Variants in PEX1 observed in about 807,000 individuals in gnomAD.
PEX1 encodes peroxisomal biogenesis factor 1.
PEX1 carries 97 observed loss-of-function variants against 152.5 expected under a neutral mutation model. That is an observed-to-expected ratio of 0.64 (90% confidence interval 0.54 to 0.75). The LOEUF (loss-of-function observed/expected upper bound fraction) is 0.75, where lower values mean the gene tolerates loss of function less well. Ranked by LOEUF, PEX1 falls within the 30% of genes least tolerant of loss-of-function variation. PEX1 has a pLI of 0.00. For missense variants in PEX1, 1,357 were observed against 1,516.3 expected, an observed-to-expected ratio of 0.89 and a Z score of 1.74; for synonymous variants, 485 against 531.6, an observed-to-expected ratio of 0.91 and a Z score of 1.21.
chr7:92,488,858 C>A (rs1306692676), intron 23 of PEX1, among the ~76,000 whole-genome samples: 1 of 152,014 alleles, frequency 6.6e-6, no homozygotes, highest in African/African-American at 2.4e-5. Context: ...CTCAGCCTCC[C>A]AAGTAGCTGG....
At chr7:92,503,307 T>G in intron 12 of PEX1, 112 bp from the exon 13 acceptor site, 1 of 874,682 alleles carries the variant, frequency 1.1e-6, no homozygotes, top group Non-Finnish European at 1.8e-6. Context: ...AGGTGCAGTA[T>G]GTATGGTATC....
intron 19 of PEX1, 99 bp downstream of exon 19, chr7:92,494,194 G>T: frequency 1.2e-6 from 1 of 866,252 alleles, no homozygotes; most frequent in Non-Finnish European, 1.9e-6. Context: ...AAGAAAGCTG[G>T]TCTTCTAAGG....
intron 6 of PEX1, among the ~76,000 whole-genome samples, chr7:92,513,260 T>A (rs935549303): frequency 5.3e-5 from 8 of 152,158 alleles, no homozygotes; most frequent in Non-Finnish European, 1.2e-4. Flanking sequence ...TACACCAATG[T>A]TCACTGTAGC....
intron 10 of PEX1, 44 bp from the exon 11 acceptor site, chr7:92,506,388 A>G (rs1278657399): frequency 2.5e-6 from 3 of 1,192,714 alleles, no homozygotes; most frequent in South Asian, 1.2e-5. Flanking sequence ...ATATTCAGTC[A>G]CAGAAATAGT....
In PEX1 at chr7:92,494,756, A is replaced by T. The variant is rs557443939; in HGVS notation, c.2784-127T>A. 1.6e-5 allele frequency: 8 copies of T among 505,344 alleles called. No individual in the cohort carries two copies. In the South Asian group the frequency reaches 3.4e-4, roughly 21 times the overall value. The allele number at this position is 505,344 out of a possible 1,614,324, so 31.3% of individuals were successfully genotyped here. On this transcript the variant is annotated intron_variant, in intron 17 of 23. Coordinates refer to ENST00000248633, the MANE Select transcript of PEX1 (RefSeq NM_000466.3). ...TATTTATATACTTCTTTTAATTTTT[A>T]CAACAAACCCTTAAAGAAGGCAAGT...
At chr7:92,516,697 G>C (rs1792802506) in intron 5 of PEX1, among the ~76,000 whole-genome samples, 1 of 152,176 alleles carries the variant, frequency 6.6e-6, no homozygotes, top group South Asian at 2.1e-4. Flanking sequence ...TTGTGGCCAG[G>C]ATGAGGGGCT....
intron 20 of PEX1, 130 bp downstream of exon 20, chr7:92,492,823 G>A (rs1442156560): frequency 1.3e-6 from 1 of 759,260 alleles, no homozygotes; most frequent in African/African-American, 1.7e-5. Flanking sequence ...TTCAACTAAA[G>A]GTAAATTTAT....
At chr7:92,504,934 A>G in intron 11 of PEX1, 32 bp from the exon 12 acceptor site, 1 of 1,527,308 alleles carries the variant, frequency 6.5e-7, no homozygotes, top group Non-Finnish European at 9.1e-7. Context: ...TGGTTTCAGT[A>G]TCATTTCAGT....
Position 92,518,006 on chromosome 7 carries a change from T to A in PEX1, c.509A>T (p.Glu170Val), listed in dbSNP as rs765240855. 5 of 1,614,012 alleles carry A rather than the reference T, an allele frequency of 3.1e-6. No homozygotes were observed. Among genetic ancestry groups the A allele is most frequent in the Non-Finnish European group, 4.2e-6 (5 of 1,180,022 alleles). Residue 170 changes from glutamate to valine, a missense_variant, in exon 5 of 24, where the codon GAA becomes GTA. Glu to Val is a moderately radical substitution (Grantham distance 121, BLOSUM62 -2). Coordinates refer to ENST00000248633, the MANE Select transcript of PEX1 (RefSeq NM_000466.3). The stretch of plus-strand genomic sequence containing the variant: ...CTGAATAAGGAGTTTGGTGTCAGTT[T>A]CCAGCCTTCCATAAGAGGCAGCTGG... ...LIPAASYGRL[E>V]TDTKLLIQPK...
At position 92,520,185 on chromosome 7, in the gene PEX1, AG is replaced by A. The variant is rs1419305192; in HGVS notation, c.274-1108del. Among the ~76,000 whole-genome samples, 6 of 152,348 alleles carry A rather than the reference AG, an allele frequency of 3.9e-5. No homozygotes were observed. The East Asian group carries it at 1.2e-3, about 29-fold the overall frequency. On this transcript the variant is annotated intron_variant, in intron 2 of 23. Transcript: ENST00000248633. Reference sequence around the variant, plus strand: ...GAGTACTAATTAAGACTTGAAAATCAGGAAGTTGATGTTGCCCACAGGGAAG... The same window carrying A: ...GAGTACTAATTAAGACTTGAAAATCAGAAGTTGATGTTGCCCACAGGGAAG...
intron 12 of PEX1, among the ~76,000 whole-genome samples, chr7:92,504,075 C>T (rs1792062482): frequency 6.6e-6 from 1 of 151,984 alleles, no homozygotes; most frequent in African/African-American, 2.4e-5. Flanking sequence ...TTCTACTCTT[C>T]CATCAAAACT....
chr7:92,516,048 G>A (rs143088826), intron 5 of PEX1, among the ~76,000 whole-genome samples: 2,403 of 90,412 alleles, frequency 0.027, 51 homozygotes, highest in East Asian at 0.12. Context: ...GAAGAGAAGA[G>A]AAGAGAAAAA....
chr7:92,511,139 GA>G, intron 7 of PEX1, 92 bp from the exon 8 acceptor site: 1 of 745,588 alleles, frequency 1.3e-6, no homozygotes, highest in Non-Finnish European at 2.3e-6. Flanking sequence ...TTAAGTTAAA[GA>G]CTTTTTTTTT....
rs1167491787 is a variant in PEX1, at chr7:92,507,083, G to C, written c.1714C>G (p.His572Asp). Reference sequence around the variant, plus strand: ...GACAAAGGGCGTCCCAGGAGGCTGTGAGTGATGTGCTCCAAGGAGGATACG... The same window carrying C: ...GACAAAGGGCGTCCCAGGAGGCTGTCAGTGATGTGCTCCAAGGAGGATACG... ...LGVSSLEHIT[H>D]SLLGRPLSRQ... The change falls in exon 10 of 24, where the codon CAC (histidine) becomes GAC (aspartate). Residue 572 changes from histidine (H) to aspartate (D), a missense_variant. His to Asp is a moderately conservative substitution (Grantham distance 81, BLOSUM62 -1). Coordinates refer to ENST00000248633, the MANE Select transcript of PEX1 (RefSeq NM_000466.3). The C allele has an allele frequency of 6.2e-7, 1 of 1,613,656 alleles. No homozygotes were observed. The highest frequency in any genetic ancestry group is 1.7e-5 in the Admixed American group (1 of 59,990).
chr7:92,499,780 C>A lies in PEX1; in HGVS notation c.2642G>T (p.Gly881Val), dbSNP rs1169087748. The A allele has an allele frequency of 6.2e-7, 1 of 1,612,072 alleles. No homozygotes were observed. The highest frequency in any genetic ancestry group is 8.5e-7 in the Non-Finnish European group (1 of 1,178,314). Residue 881 changes from glycine (G) to valine (V), a missense_variant, in exon 16 of 24, where the codon GGT becomes GTT. Physicochemically the swap from Gly to Val is moderately radical, Grantham distance 109. Transcript: ENST00000248633. ...TAAGGTTTTTCCTGTTCCAGGCGGA[C>A]CATACAACAGTATTCCTGTTCTTTG... is the stretch of plus-strand genomic sequence containing the variant. ...IRQRTGILLY[G>V]PPGTGKTLLA...
In PEX1 at chr7:92,518,250, C is replaced by T. The variant is rs200866361; in HGVS notation, c.363G>A (p.Leu121=). 14 of 1,590,248 alleles carry T rather than the reference C, an allele frequency of 8.8e-6. No individual in the cohort carries two copies. The Admixed American group carries it at 2.2e-4, about 25-fold the overall frequency. The change falls in exon 4 of 24, where the codon CTG becomes CTA. Residue 121 remains leucine (L), a synonymous_variant. Coordinates refer to ENST00000248633, the MANE Select transcript of PEX1 (RefSeq NM_000466.3). The part of the protein sequence containing the change: ...LSADDWEILE[L]HAVSLEQHLL... ...GATGTTGTTCAAGGGAAACAGCATG[C>T]AGCTCCTAGAACCAACAGACGAAAA...
intron 15 of PEX1, 141 bp from the exon 16 acceptor site, chr7:92,499,979 G>T: frequency 1.5e-6 from 1 of 672,500 alleles, no homozygotes; most frequent in Non-Finnish European, 2.5e-6. Context: ...AAGTACAACA[G>T]TAGAAAATAC....
At position 92,518,233 on chromosome 7, in the gene PEX1, TC is replaced by T; in HGVS notation, c.379del (p.Glu127AsnfsTer5). On this transcript the variant is annotated frameshift_variant, in exon 4 of 24. Coordinates refer to ENST00000248633, the MANE Select transcript of PEX1 (RefSeq NM_000466.3). LOFTEE classifies it high-confidence loss of function. ...TCGAATTTGATCTAGAAGATGTTGT[TC>T]AAGGGAAACAGCATGCAGCTCCTAG... is the stretch of plus-strand genomic sequence containing the variant. ...EILELHAVSL[E>X]QHLLDQIRIV... The T allele has an allele frequency of 3.7e-6, 6 of 1,612,220 alleles. No individual in the cohort carries two copies. The highest frequency in any genetic ancestry group is 5.1e-6 in the Non-Finnish European group (6 of 1,178,292).
In PEX1 at chr7:92,508,313, G is replaced by A. The variant is rs540552995; in HGVS notation, c.1670+1016C>T. Among the ~76,000 whole-genome samples the A allele has an allele frequency of 2.6e-5, 4 of 152,234 alleles. No homozygotes were observed. The East Asian group carries it at 7.7e-4, about 29-fold the overall frequency. On this transcript the variant is annotated intron_variant, in intron 9 of 23. Transcript: ENST00000248633. ...CGCCTGTAATCCCAGCACTTTGGGA[G>A]GCTGAGGCAGGCGGATCACTTGAGA...
Sources: gnomAD v4.1 joint callset for allele counts (sites outside exome capture counted in the v4.1 genomes callset) on GRCh38, gnomAD v4.1.1 for gene constraint, MANE v1.5 for transcripts, NCBI Gene and HGNC (gene_info 2026-07-23, HGNC 2026-07-21) for gene names.